ELL: variants seen among roughly 807,000 people sequenced by gnomAD.
The protein encoded by ELL is RNA polymerase II elongation factor ELL.
A neutral mutation model predicts 64.0 loss-of-function variants in ELL; 18 were observed. The ratio of observed to expected loss-of-function variants is 0.28; its 90% CI spans 0.19 to 0.42. ELL has a LOEUF of 0.42. ELL is among the 10% of genes least tolerant of loss of function. ELL has a pLI of 1.00. For synonymous variants in ELL, 399 were observed against 376.2 expected (o/e 1.06, Z -0.70); for missense variants, 797 against 870.4 (o/e 0.92, Z 1.06).
chr19:18,455,683 G>A (rs1372063768), intron 6 of ELL, among the ~76,000 whole-genome samples: 1 of 151,444 alleles, frequency 6.6e-6, no homozygotes, highest in African/African-American at 2.4e-5. Context: ...CCATCTCTTT[G>A]CCTAGGCAAC....
chr19:18,447,959 AT>A (rs1243536170), intron 8 of ELL, among the ~76,000 whole-genome samples: 2 of 151,732 alleles, frequency 1.3e-5, no homozygotes, highest in East Asian at 1.9e-4. Context: ...TAATTACAAA[AT>A]TTTTTTGTAG....
chr19:18,460,726 G>T (rs1974790744), intron 5 of ELL, among the ~76,000 whole-genome samples: 1 of 152,186 alleles, frequency 6.6e-6, no homozygotes, highest in Non-Finnish European at 1.5e-5. Flanking sequence ...TTTTGCTGCA[G>T]GCATCACCTG....
intron 10 of ELL, 150 bp from the exon 11 acceptor site, chr19:18,445,418 C>A: frequency 1.2e-6 from 1 of 803,436 alleles, no homozygotes; most frequent in Admixed American, 2.0e-5. Flanking sequence ...GGGCCCACAG[C>A]GGCTGTAGCT....
At position 18,444,717 on chromosome 19, in the gene ELL, C is replaced by G; in HGVS notation, c.*35G>C. 1 of 1,562,950 alleles carries G rather than the reference C, an allele frequency of 6.4e-7. No individual in the cohort carries two copies. The highest frequency in any genetic ancestry group is 1.8e-5 in the Admixed American group (1 of 55,818). Reference sequence around the variant, plus strand: ...CCTCTCTCACCGCCTTTTGCTCCCCCGACCCTCCCAGATCCCCGCCATCGG... The same window carrying G: ...CCTCTCTCACCGCCTTTTGCTCCCCGGACCCTCCCAGATCCCCGCCATCGG... On this transcript the variant is annotated 3_prime_UTR_variant, in exon 12 of 12. Transcript: ENST00000262809.
chr19:18,462,250 A>AGT lies in ELL; in HGVS notation c.470-400_470-399dup, dbSNP rs1187519963. 4.2e-4 allele frequency among the ~76,000 whole-genome samples: 50 copies of AGT among 118,316 alleles called. 2 individuals are homozygous for AGT. The highest frequency in any genetic ancestry group is 3.0e-3 in the South Asian group (11 of 3,664). 77.6% of individuals were successfully genotyped at this position (118,316 alleles called of 152,430 possible). A position where few individuals can be genotyped will look rare whatever the true frequency, so the allele number is the denominator to read the frequency against. Reference sequence around the variant, plus strand: ...TAATCACCTGATCACTCTGGTGGGCAGTATGTGTGTGTGAGAAATCACCTG... The same window carrying AGT: ...TAATCACCTGATCACTCTGGTGGGCAGTGTATGTGTGTGTGAGAAATCACCTG... On this transcript the variant is annotated intron_variant, in intron 4 of 11. Coordinates refer to ENST00000262809, the MANE Select transcript of ELL (RefSeq NM_006532.4).
At chr19:18,467,024 G>A (rs945721420) in intron 2 of ELL, among the ~76,000 whole-genome samples, 1 of 152,174 alleles carries the variant, frequency 6.6e-6, no homozygotes, top group Non-Finnish European at 1.5e-5. Flanking sequence ...CACCAGACAC[G>A]TGGAGGAGCA....
chr19:18,512,700 T>C (rs1260161942), intron 1 of ELL, among the ~76,000 whole-genome samples: 1 of 152,206 alleles, frequency 6.6e-6, no homozygotes, highest in Non-Finnish European at 1.5e-5. Flanking sequence ...GGATCATTTT[T>C]TGGGTCAACG....
chr19:18,470,835 G>C (rs982293493), intron 2 of ELL: 6 of 392,042 alleles, frequency 1.5e-5, no homozygotes, highest in Non-Finnish European at 3.1e-5. Context: ...TCCTACTGGA[G>C]GTCTGCAGCC....
intron 1 of ELL, among the ~76,000 whole-genome samples, chr19:18,499,241 C>T (rs1259826239): frequency 6.6e-6 from 1 of 152,190 alleles, no homozygotes; most frequent in East Asian, 1.9e-4. Context: ...AGCAAAACTT[C>T]TATCTTGGGG....
intron 1 of ELL, 89 bp downstream of exon 1, chr19:18,521,832 T>C: frequency 6.8e-7 from 1 of 1,477,974 alleles, no homozygotes; most frequent in Non-Finnish European, 9.0e-7. Flanking sequence ...ACCTAGCGTC[T>C]CCGAGCCCGG....
chr19:18,473,014 T>G, intron 1 of ELL, 132 bp from the exon 2 acceptor site: 2 of 1,079,638 alleles, frequency 1.9e-6, no homozygotes, highest in Non-Finnish European at 2.6e-6. Flanking sequence ...GGAAAGGAAA[T>G]GCACACACTC....
intron 1 of ELL, among the ~76,000 whole-genome samples, chr19:18,490,138 T>TA (rs926542612): frequency 6.6e-6 from 1 of 152,100 alleles, no homozygotes; most frequent in Non-Finnish European, 1.5e-5. Context: ...AATCTCAACT[T>TA]ACAAAAAACC....
intron 1 of ELL, among the ~76,000 whole-genome samples, chr19:18,506,483 T>C (rs932990124): frequency 3.3e-5 from 5 of 152,224 alleles, no homozygotes; most frequent in African/African-American, 9.6e-5. Flanking sequence ...GCCCAGCACA[T>C]TGGGAGGCCA....
At chr19:18,510,675 C>G (rs1975999820) in intron 1 of ELL, among the ~76,000 whole-genome samples, 1 of 152,144 alleles carries the variant, frequency 6.6e-6, no homozygotes, top group African/African-American at 2.4e-5. Flanking sequence ...CCAAGACCAC[C>G]CCACACCCAT....
intron 2 of ELL, among the ~76,000 whole-genome samples, chr19:18,466,951 C>T (rs1974951015): frequency 6.6e-6 from 1 of 152,214 alleles, no homozygotes; most frequent in Admixed American, 6.5e-5. Flanking sequence ...TGAGCTGCCT[C>T]ATACGCCCAT....
intron 5 of ELL, among the ~76,000 whole-genome samples, chr19:18,458,776 G>A (rs901724107): frequency 2.0e-5 from 3 of 152,030 alleles, no homozygotes; most frequent in Non-Finnish European, 2.9e-5. Flanking sequence ...GGGGCCACAG[G>A]TGTGCACCAC....
chr19:18,451,624 A>G lies in ELL; in HGVS notation c.894T>C (p.Thr298=). The G allele has an allele frequency of 6.6e-7, 1 of 1,507,070 alleles. No homozygotes were observed. Among genetic ancestry groups the G allele is most frequent in the Non-Finnish European group, 8.8e-7 (1 of 1,133,122 alleles). 93.4% of individuals were successfully genotyped at this position (1,507,070 alleles called of 1,614,324 possible). The change falls in exon 7 of 12, where the codon ACT becomes ACC. Residue 298 remains threonine (T), a synonymous_variant. Coordinates refer to ENST00000262809, the MANE Select transcript of ELL (RefSeq NM_006532.4). ...LVRKLCQPQS[T]GSLLGDPAAS... ...CAGCAGGGTCTCCAAGGAGGCTGCC[A>G]GTGCTCTGTGGCTGGCACAGCTTCC...
chr19:18,467,845 ACACACAACCCCCCACAAC>A (rs1335824843), intron 2 of ELL, among the ~76,000 whole-genome samples: 1 of 57,334 alleles, frequency 1.7e-5, no homozygotes, highest in Non-Finnish European at 2.8e-5. Context: ...CGATCTCCCT[ACACACAACCCCCCACAAC>A]CACACAATCC....
chr19:18,471,131 G>A (rs527841655), intron 2 of ELL: 2 of 383,062 alleles, frequency 5.2e-6, no homozygotes, highest in Admixed American at 3.3e-5. Flanking sequence ...CTAGCACTTT[G>A]GGAGGCCAAG....
Sources: gnomAD v4.1 joint callset for allele counts (sites outside exome capture counted in the v4.1 genomes callset) on GRCh38, gnomAD v4.1.1 for gene constraint, MANE v1.5 for transcripts, NCBI Gene and HGNC (gene_info 2026-07-23, HGNC 2026-07-21) for gene names.